The following ZNF8 variants were observed in gnomAD, a reference collection of about 807,000 sequenced individuals.
ZNF8 encodes the protein zinc finger protein 8, also known as zinc finger protein 272.
Under a neutral mutation model 12.2 loss-of-function variants are expected in ZNF8, and 9 were observed. The ratio of observed to expected loss-of-function variants is 0.73; its 90% CI spans 0.44 to 1.28. ZNF8 has a LOEUF of 1.28. ZNF8 is among the 50% of genes most tolerant of loss of function. ZNF8 has a pLI of 0.00. For synonymous variants in ZNF8, 274 were observed against 282.3 expected, an observed-to-expected ratio of 0.97 and a Z score of 0.30; for missense variants, 664 against 729.1, an observed-to-expected ratio of 0.91 and a Z score of 1.03.
At chr19:58,286,084 C>T in intron 2 of ZNF8, 26 bp from the exon 3 acceptor site, 1 of 1,608,950 alleles carries the variant, frequency 6.2e-7, no homozygotes, top group East Asian at 2.2e-5. Context: ...CAGCCCCTCA[C>T]CTCCTGTGTT....
intron 1 of ZNF8, among the ~76,000 whole-genome samples, chr19:58,283,270 C>T (rs1486101246): frequency 2.6e-5 from 4 of 152,258 alleles, no homozygotes; most frequent in Admixed American, 1.3e-4. Context: ...CTCTGCCCAG[C>T]CAGCCTAATT....
intron 3 of ZNF8, among the ~76,000 whole-genome samples, chr19:58,291,969 A>G (rs948931931): frequency 2.6e-5 from 4 of 152,116 alleles, no homozygotes; most frequent in African/African-American, 4.8e-5. Flanking sequence ...GAGCCAGGGC[A>G]TGGTGGAGAA....
chr19:58,293,273 C>A (rs1445077998), intron 3 of ZNF8, among the ~76,000 whole-genome samples: 1 of 152,190 alleles, frequency 6.6e-6, no homozygotes, highest in Admixed American at 6.5e-5. Flanking sequence ...GGTGACAGAG[C>A]AGGAAGCCTG....
chr19:58,293,963 TAAG>T, intron 3 of ZNF8, 132 bp from the exon 4 acceptor site: 1 of 760,398 alleles, frequency 1.3e-6, no homozygotes, highest in Non-Finnish European at 2.1e-6. Context: ...GATGTTAAAA[TAAG>T]AGGAGAATCA....
intron 3 of ZNF8, among the ~76,000 whole-genome samples, chr19:58,287,074 C>G (rs947534326): frequency 6.6e-6 from 1 of 152,184 alleles, no homozygotes; most frequent in Non-Finnish European, 1.5e-5. Context: ...GGGTCTCACT[C>G]TATCGCCTAG....
intron 3 of ZNF8, among the ~76,000 whole-genome samples, chr19:58,288,596 C>T (rs1225665097): frequency 6.6e-6 from 1 of 152,164 alleles, no homozygotes; most frequent in Admixed American, 6.5e-5. Context: ...TCTAGATTGT[C>T]ATAATTGGCT....
In ZNF8 at chr19:58,279,161, CAAT is replaced by C. The variant is rs2051322895; in HGVS notation, c.66+17_66+19del. 6.4e-7 allele frequency: 1 copy of C among 1,557,634 alleles called. No individual in the cohort carries two copies. Among genetic ancestry groups the C allele is most frequent in the South Asian group, 1.2e-5 (1 of 84,646 alleles). ...GCCCGGCTTCAGGTAACAATAACAA[CAAT>C]AACGACGGCGGCGGGCTCCGGGCAA... is the stretch of plus-strand genomic sequence containing the variant. On this transcript the variant is annotated intron_variant, in intron 1 of 3. Coordinates refer to ENST00000621650, the MANE Select transcript of ZNF8 (RefSeq NM_021089.3).
At chr19:58,287,317 G>T (rs2051389434) in intron 3 of ZNF8, among the ~76,000 whole-genome samples, 1 of 148,544 alleles carries the variant, frequency 6.7e-6, no homozygotes, top group African/African-American at 2.5e-5. Flanking sequence ...GGGACTACAG[G>T]CGTGAGCCAC....
At chr19:58,291,449 G>A (rs146927233) in intron 3 of ZNF8, among the ~76,000 whole-genome samples, 9 of 152,240 alleles carry the variant, frequency 5.9e-5, no homozygotes, top group Admixed American at 1.3e-4. Context: ...ATGTTCTTCC[G>A]CACTCTCCCA....
At chr19:58,283,754 C>G (rs1006887983) in intron 1 of ZNF8, among the ~76,000 whole-genome samples, 1 of 151,814 alleles carries the variant, frequency 6.6e-6, no homozygotes, top group African/African-American at 2.4e-5. Flanking sequence ...CGCCCACCAC[C>G]ACGCTCGGCT....
rs527781344 is a variant in ZNF8 at position 58,300,873 on chromosome 19, G to C, written c.*5337G>C. On this transcript the variant is annotated 3_prime_UTR_variant, in exon 4 of 4. Coordinates refer to ENST00000621650, the MANE Select transcript of ZNF8 (RefSeq NM_021089.3). Reference sequence around the variant, plus strand: ...TGGTGTCGTCTCTCTTCATCCCCAGGACTGTGAAGCCTGCTAACCTCTTTG... The same window carrying C: ...TGGTGTCGTCTCTCTTCATCCCCAGCACTGTGAAGCCTGCTAACCTCTTTG... 6.6e-6 allele frequency: 1 copy of C among 152,370 alleles called. No homozygotes were observed. Among genetic ancestry groups the C allele is most frequent in the Admixed American group, 6.6e-5 (1 of 15,266 alleles). 9.4% of individuals were successfully genotyped at this position (152,370 alleles called of 1,614,324 possible).
Position 58,295,554 on chromosome 19 carries a change from T to C in ZNF8, c.*18T>C. ...CCACATAGGAGAGAAACTTTGCTGATGACTTTTAACCACAAGTAAAAAATG... is the reference window on the plus strand; with the variant it reads ...CCACATAGGAGAGAAACTTTGCTGACGACTTTTAACCACAAGTAAAAAATG... On this transcript the variant is annotated 3_prime_UTR_variant, in exon 4 of 4. Coordinates refer to ENST00000621650, the MANE Select transcript of ZNF8 (RefSeq NM_021089.3). 16 of 1,569,064 alleles carry C rather than the reference T, an allele frequency of 1.0e-5. No individual in the cohort carries two copies. The highest frequency in any genetic ancestry group is 9.5e-6 in the Non-Finnish European group (11 of 1,156,194).
At chr19:58,290,460 G>T (rs1364885575) in intron 3 of ZNF8, among the ~76,000 whole-genome samples, 1 of 152,130 alleles carries the variant, frequency 6.6e-6, no homozygotes, top group African/African-American at 2.4e-5. Context: ...GCCACATAAG[G>T]TTCCAGGGAT....
chr19:58,286,235 T>A, intron 3 of ZNF8, 30 bp downstream of exon 3: 2 of 1,601,318 alleles, frequency 1.2e-6, no homozygotes, highest in Non-Finnish European at 1.7e-6. Flanking sequence ...GAGCAGCTAA[T>A]GGGAGCAGCC....
Position 58,279,941 on chromosome 19 carries a change from A to G in ZNF8, c.66+794A>G, listed in dbSNP as rs141597528. 33 of 1,044,450 alleles carry G rather than the reference A, an allele frequency of 3.2e-5. No individual in the cohort carries two copies. The East Asian group carries it at 1.8e-3, about 57-fold the overall frequency. The allele number at this position is 1,044,450 out of a possible 1,614,324, so 64.7% of individuals were successfully genotyped here. ...ATTTGCATTATTTCAGATTTGGTAC[A>G]CAAAGTGAGACTTGATAATCTTAGG... On this transcript the variant is annotated intron_variant, in intron 1 of 3. Coordinates refer to ENST00000621650, the MANE Select transcript of ZNF8 (RefSeq NM_021089.3).
chr19:58,283,834 C>T (rs773391351), intron 1 of ZNF8, among the ~76,000 whole-genome samples: 24 of 151,522 alleles, frequency 1.6e-4, no homozygotes, highest in Middle Eastern at 3.4e-3. Flanking sequence ...CTCCTGACCT[C>T]GTGATCTGCC....
At chr19:58,279,725 G>T (rs1273730915) in intron 1 of ZNF8, 1 of 1,520,076 alleles carries the variant, frequency 6.6e-7, no homozygotes, top group South Asian at 1.2e-5. Flanking sequence ...GAGAACTGCA[G>T]TGCAGGGCGG....
chr19:58,287,904 G>A (rs1388812787), intron 3 of ZNF8, among the ~76,000 whole-genome samples: 2 of 90,638 alleles, frequency 2.2e-5, no homozygotes, highest in South Asian at 3.6e-4. Context: ...TCGCCATCTT[G>A]TCCAGGCTGC....
chr19:58,279,182 C>G, intron 1 of ZNF8, 35 bp downstream of exon 1: 1 of 1,544,786 alleles, frequency 6.5e-7, no homozygotes, highest in Non-Finnish European at 8.7e-7. Flanking sequence ...GCGGCGGGCT[C>G]CGGGCAAGCG....
Sources: allele counts gnomAD v4.1 joint callset (sites outside exome capture counted in the v4.1 genomes callset), GRCh38; gene constraint gnomAD v4.1.1; transcripts MANE v1.5; gene names NCBI Gene and HGNC (gene_info 2026-07-23, HGNC 2026-07-21).